The following FBRSL1 variants were observed in gnomAD, a reference collection of about 807,000 sequenced individuals.
The protein encoded by FBRSL1 is fibrosin like 1.
Under a neutral mutation model 89.6 loss-of-function variants are expected in FBRSL1, and 51 were observed. That is an observed-to-expected ratio of 0.57 (90% CI 0.45 to 0.72). The LOEUF (loss-of-function observed/expected upper bound fraction) is 0.72. FBRSL1 is among the 30% of genes least tolerant of loss of function. The pLI, the probability that FBRSL1 is intolerant of heterozygous loss-of-function variation, is 0.00. For synonymous variants in FBRSL1, 779 were observed against 681.1 expected, an observed-to-expected ratio of 1.14 and a Z score of -2.24; for missense variants, 1,618 against 1,451.8, an observed-to-expected ratio of 1.11 and a Z score of -1.86.
intron 5 of FBRSL1, chr12:132,551,550 G>A (rs1315901893): frequency 1.5e-5 from 7 of 456,314 alleles, no homozygotes; most frequent in Non-Finnish European, 2.6e-5. Context: ...CCACACCTGC[G>A]GGTTTGAGCT....
In FBRSL1 at chr12:132,519,341, G is replaced by A. The variant is rs561845764; in HGVS notation, c.490-6393G>A. Among the ~76,000 whole-genome samples the A allele has an allele frequency of 1.2e-3, 183 of 152,336 alleles. No homozygotes were observed. The Middle Eastern group carries it at 0.017, about 14-fold the overall frequency. On this transcript the variant is annotated intron_variant, in intron 2 of 18. Coordinates refer to ENST00000680143, the MANE Select transcript of FBRSL1 (RefSeq NM_001367871.1). ...GTGGAGTGAATGGAGTGTCAGGAAC[G>A]GTTTCAGGAAGAAGCAGGGCCACAG...
chr12:132,527,142 G>T (rs1263955863), intron 3 of FBRSL1, among the ~76,000 whole-genome samples: 1 of 151,874 alleles, frequency 6.6e-6, no homozygotes, highest in Non-Finnish European at 1.5e-5. Flanking sequence ...CCTCCTTTGA[G>T]GGCTCCATCT....
At chr12:132,572,421 C>A in intron 10 of FBRSL1, 77 bp downstream of exon 10, 1 of 1,508,002 alleles carries the variant, frequency 6.6e-7, no homozygotes, top group Non-Finnish European at 9.0e-7. Flanking sequence ...TGGGGCTGCC[C>A]CTCGCCTGGC....
chr12:132,571,033 G>A lies in FBRSL1; in HGVS notation c.1214-35G>A, dbSNP rs2039976181. Reference sequence around the variant, plus strand: ...TGCGGGTGGCTGGACCCTGGCTCCCGGGGAGGGGCTCACCGTGTTCTCTCT... The same window carrying A: ...TGCGGGTGGCTGGACCCTGGCTCCCAGGGAGGGGCTCACCGTGTTCTCTCT... On this transcript the variant is annotated intron_variant, in intron 8 of 18. Coordinates refer to ENST00000680143, the MANE Select transcript of FBRSL1 (RefSeq NM_001367871.1). 1.9e-5 allele frequency: 24 copies of A among 1,281,924 alleles called. No homozygotes were observed. The South Asian group carries it at 4.3e-4, about 23-fold the overall frequency. The allele number at this position is 1,281,924 out of a possible 1,614,324, so 79.4% of individuals were successfully genotyped here.
chr12:132,494,414 C>G (rs2031640141), intron 1 of FBRSL1, among the ~76,000 whole-genome samples: 1 of 152,366 alleles, frequency 6.6e-6, no homozygotes, highest in South Asian at 2.1e-4. Context: ...TATCTGGCCT[C>G]AGGCCACAGA....
chr12:132,581,855 C>T (rs762713554), intron 17 of FBRSL1, 31 bp downstream of exon 17: 25 of 1,501,842 alleles, frequency 1.7e-5, no homozygotes, highest in Middle Eastern at 2.1e-4. Flanking sequence ...CCCCCTCCCC[C>T]GATGCCCGCG....
intron 1 of FBRSL1, among the ~76,000 whole-genome samples, chr12:132,495,651 A>G (rs1471589298): frequency 1.3e-5 from 2 of 152,158 alleles, no homozygotes; most frequent in South Asian, 4.1e-4. Flanking sequence ...GCCCTGTGAC[A>G]ATGAGGGGCT....
At position 132,571,359 on chromosome 12, in the gene FBRSL1, C is replaced by G; in HGVS notation, c.1377+128C>G. 4 of 1,550,598 alleles carry G rather than the reference C, an allele frequency of 2.6e-6. No homozygotes were observed. The South Asian group carries it at 3.6e-5, about 14-fold the overall frequency. On this transcript the variant is annotated intron_variant, in intron 9 of 18. Transcript: ENST00000680143. ...ACACGCGGTTTCTGGTGCAGAGCGC[C>G]GAGCGGCCTGGCGCCTCCCTGGGCC...
chr12:132,504,466 G>T (rs933009539), intron 1 of FBRSL1, among the ~76,000 whole-genome samples: 1 of 152,172 alleles, frequency 6.6e-6, no homozygotes, highest in Non-Finnish European at 1.5e-5. Flanking sequence ...GAGGTCTGGG[G>T]CCCTAGCCAC....
chr12:132,581,716 C>T, intron 16 of FBRSL1, 25 bp from the exon 17 acceptor site: 1 of 1,549,474 alleles, frequency 6.5e-7, no homozygotes, highest in Non-Finnish European at 8.7e-7. Context: ...TCACAGACCT[C>T]TGGGTCCCGC....
chr12:132,521,457 G>A (rs2035347859), intron 2 of FBRSL1, among the ~76,000 whole-genome samples: 1 of 152,220 alleles, frequency 6.6e-6, no homozygotes, highest in Admixed American at 6.5e-5. Flanking sequence ...TGGCCTGGCA[G>A]GTCTGAGGAA....
At chr12:132,554,500 G>A (rs1472157085) in intron 5 of FBRSL1, 1 of 152,324 alleles carries the variant, frequency 6.6e-6, no homozygotes, top group East Asian at 1.9e-4. Context: ...TGTTAAATAT[G>A]CATCTTAATG....
chr12:132,498,246 C>G (rs4883527), intron 1 of FBRSL1, among the ~76,000 whole-genome samples: 135,685 of 152,214 alleles, frequency 0.89, 61,572 homozygotes, highest in Non-Finnish European at 0.99. Context: ...AGGCCTGTGT[C>G]GGGGGCATGG....
At chr12:132,549,950 C>T (rs570112848) in intron 5 of FBRSL1, among the ~76,000 whole-genome samples, 22 of 152,328 alleles carry the variant, frequency 1.4e-4, no homozygotes, top group Admixed American at 6.5e-4. Context: ...ATTTCTGAGA[C>T]GCCCAAGCAG....
intron 4 of FBRSL1, among the ~76,000 whole-genome samples, chr12:132,542,716 C>T (rs1340620731): frequency 6.6e-6 from 1 of 152,214 alleles, no homozygotes; most frequent in African/African-American, 2.4e-5. Flanking sequence ...CTATCTCCTC[C>T]CCACCCTGCC....
chr12:132,555,741 CTG>C (rs2038583412), intron 5 of FBRSL1, among the ~76,000 whole-genome samples: 2 of 152,238 alleles, frequency 1.3e-5, no homozygotes. Context: ...ATGGCCCCTC[CTG>C]TGTGTGTGTC....
chr12:132,508,272 G>A lies in FBRSL1; in HGVS notation c.411G>A (p.Leu137=). The change falls in exon 2 of 19, where the codon CTG becomes CTA. Residue 137 remains leucine (L), a synonymous_variant. Transcript: ENST00000680143. ...PAEPSENRRP[L]EAGSPGQDLE... ...AGCCCAGTGAGAACAGGCGGCCCCT[G>A]GAGGCAGGCAGCCCCGGGCAGGACC... The A allele has an allele frequency of 1.9e-6, 3 of 1,550,466 alleles. No homozygotes were observed. Among genetic ancestry groups the A allele is most frequent in the Middle Eastern group, 1.7e-4 (1 of 5,906 alleles).
At chr12:132,578,066 C>A (rs1280534945) in intron 15 of FBRSL1, among the ~76,000 whole-genome samples, 1 of 152,258 alleles carries the variant, frequency 6.6e-6, no homozygotes, top group African/African-American at 2.4e-5. Flanking sequence ...GAAACTTAGC[C>A]TACTGTTGAC....
In FBRSL1 at chr12:132,510,920, G is replaced by A. The variant is rs1239900867; in HGVS notation, c.489+2570G>A. 28 of 998,934 alleles carry A rather than the reference G, an allele frequency of 2.8e-5. 1 individual carries two copies. Among genetic ancestry groups the A allele is most frequent in the African/African-American group, 1.2e-4 (7 of 57,842 alleles). The allele number at this position is 998,934 out of a possible 1,614,324, so 61.9% of individuals were successfully genotyped here. A position where few individuals can be genotyped will look rare whatever the true frequency, so the allele number is the denominator to read the frequency against. On this transcript the variant is annotated intron_variant, in intron 2 of 18. Coordinates refer to ENST00000680143, the MANE Select transcript of FBRSL1 (RefSeq NM_001367871.1). Reference sequence around the variant, plus strand: ...CTTGCCCCTGGCGTGCCACCTGTGCGGAGCGCGTGAGCCTGGTGTGTGCGT... The same window carrying A: ...CTTGCCCCTGGCGTGCCACCTGTGCAGAGCGCGTGAGCCTGGTGTGTGCGT...
Sources: allele counts gnomAD v4.1 joint callset (sites outside exome capture counted in the v4.1 genomes callset), GRCh38; gene constraint gnomAD v4.1.1; transcripts MANE v1.5; gene names NCBI Gene and HGNC (gene_info 2026-07-23, HGNC 2026-07-21).